PLPP3: variants seen among roughly 807,000 people sequenced by gnomAD.
PLPP3 encodes the protein PAP2 beta.
Under a neutral mutation model 29.6 loss-of-function variants are expected in PLPP3, and 6 were observed. The observed-to-expected ratio is 0.20, with a 90% CI of 0.11 to 0.40. The LOEUF is 0.40. Among genes scored for constraint, PLPP3 ranks in the 10% least tolerant of loss-of-function variants. The probability of loss-of-function intolerance (pLI) is 1.00; values close to 1 mark genes in which losing one functional copy is unlikely to be tolerated. For synonymous variants in PLPP3, 152 were observed against 159.7 expected (o/e 0.95, Z 0.36); for missense variants, 308 against 407.7 (o/e 0.76, Z 2.11).
chr1:56,536,821 C>T (rs1187988807), intron 2 of PLPP3, 134 bp downstream of exon 2: 2 of 1,133,074 alleles, frequency 1.8e-6, no homozygotes, highest in Non-Finnish European at 2.5e-6. Context: ...AACTACCTTC[C>T]TTCTTGGCTA....
chr1:56,508,319 A>T (rs1170556094), intron 5 of PLPP3, among the ~76,000 whole-genome samples: 1 of 152,204 alleles, frequency 6.6e-6, no homozygotes, highest in Non-Finnish European at 1.5e-5. Flanking sequence ...GCTCTGTGTC[A>T]GGCTGTCTGG....
rs1400216670 is a variant in PLPP3 at position 56,537,089 on chromosome 1, C to T, written c.163G>A (p.Glu55Lys). Residue 55 changes from glutamate to lysine, a missense_variant, in exon 2 of 6, where the codon GAG becomes AAG. Physicochemically the swap from Glu to Lys is moderately conservative, Grantham distance 56 (BLOSUM62 1). Around this residue, in one of 3 missense-constraint regions of PLPP3, gnomAD observed 9 missense variants for 29.3 expected, o/e 0.31. Transcript: ENST00000371250. ...TGGTAAGGCTTGATGGTGCTTGTCTCGATGATGAGGAAGGGGAGGCCCGCT... is the reference window on the plus strand; with the variant it reads ...TGGTAAGGCTTGATGGTGCTTGTCTTGATGATGAGGAAGGGGAGGCCCGCT... ...FMAGLPFLII[E>K]TSTIKPYHRG... is the part of the protein sequence containing the mutation. 2.5e-6 allele frequency: 4 copies of T among 1,612,634 alleles called. No homozygotes were observed. Among genetic ancestry groups the T allele is most frequent in the South Asian group, 1.1e-5 (1 of 91,012 alleles).
At chr1:56,511,630 T>C (rs2100232287) in intron 5 of PLPP3, among the ~76,000 whole-genome samples, 1 of 152,176 alleles carries the variant, frequency 6.6e-6, no homozygotes, top group South Asian at 2.1e-4. Flanking sequence ...TGCTGACACA[T>C]GACCTTGGGT....
In PLPP3 at chr1:56,579,262, A is replaced by AG. The variant is rs2100320420; in HGVS notation, c.-247dup. On this transcript the variant is annotated 5_prime_UTR_variant, in exon 1 of 6. Coordinates refer to ENST00000371250, the MANE Select transcript of PLPP3 (RefSeq NM_003713.5). Reference sequence around the variant, plus strand: ...CAACCCTAAATCGTTCTAAAGTCCAAGGGGAAGAGAGCCAGATCCCGAGCA... The same window carrying AG: ...CAACCCTAAATCGTTCTAAAGTCCAAGGGGGAAGAGAGCCAGATCCCGAGCA... The AG allele has an allele frequency of 4.3e-6, 2 of 469,836 alleles. No individual in the cohort carries two copies. Among genetic ancestry groups the AG allele is most frequent in the South Asian group, 5.3e-5 (2 of 37,574 alleles). The allele number at this position is 469,836 out of a possible 1,614,324, so 29.1% of individuals were successfully genotyped here. A position where few individuals can be genotyped will look rare whatever the true frequency, so the allele number is the denominator to read the frequency against.
chr1:56,566,407 C>T (rs192048029), intron 1 of PLPP3, among the ~76,000 whole-genome samples: 1 of 152,164 alleles, frequency 6.6e-6, no homozygotes, highest in Admixed American at 6.5e-5. Context: ...CTCTTACCTC[C>T]GTTCTGTAAA....
intron 1 of PLPP3, among the ~76,000 whole-genome samples, chr1:56,563,610 C>A (rs1470601049): frequency 6.6e-6 from 1 of 152,152 alleles, no homozygotes; most frequent in Non-Finnish European, 1.5e-5. Context: ...CCCAAGTGAC[C>A]AGCTCAAAGC....
At chr1:56,557,213 AC>A (rs1362498061) in intron 1 of PLPP3, among the ~76,000 whole-genome samples, 4 of 151,576 alleles carry the variant, frequency 2.6e-5, no homozygotes, top group Middle Eastern at 3.4e-3. Flanking sequence ...CCCCATCTCT[AC>A]TAAAAATACA....
chr1:56,560,239 A>T (rs1244377443), intron 1 of PLPP3, among the ~76,000 whole-genome samples: 3 of 152,194 alleles, frequency 2.0e-5, no homozygotes, highest in Admixed American at 2.0e-4. Context: ...TGCTCAATGC[A>T]TATTTGTGGA....
At chr1:56,533,641 C>T (rs764684177) in intron 2 of PLPP3, among the ~76,000 whole-genome samples, 3 of 152,142 alleles carry the variant, frequency 2.0e-5, no homozygotes, top group Admixed American at 6.5e-5. Flanking sequence ...ATAAAAGCCA[C>T]GCTGTAAACT....
intron 1 of PLPP3, among the ~76,000 whole-genome samples, chr1:56,567,199 C>T (rs1266180536): frequency 6.6e-6 from 1 of 152,092 alleles, no homozygotes; most frequent in Non-Finnish European, 1.5e-5. Flanking sequence ...ATTTCCCAGT[C>T]AGCTTATTGT....
At chr1:56,578,491 G>C (rs981607642) in intron 1 of PLPP3, among the ~76,000 whole-genome samples, 1 of 152,184 alleles carries the variant, frequency 6.6e-6, no homozygotes, top group African/African-American at 2.4e-5. Flanking sequence ...CATTTCACTC[G>C]GATGGAGGGC....
At chr1:56,561,082 T>C (rs1260800631) in intron 1 of PLPP3, among the ~76,000 whole-genome samples, 1 of 150,172 alleles carries the variant, frequency 6.7e-6, no homozygotes, top group Non-Finnish European at 1.5e-5. Context: ...CTCCTGACCT[T>C]GTGATCCGCC....
chr1:56,546,835 AGATAC>A (rs1646009294), intron 1 of PLPP3, among the ~76,000 whole-genome samples: 1 of 152,256 alleles, frequency 6.6e-6, no homozygotes, highest in Non-Finnish European at 1.5e-5. Flanking sequence ...ATGCTTCAGA[AGATAC>A]AGTGGACCCA....
At chr1:56,548,502 C>A (rs1646019223) in intron 1 of PLPP3, among the ~76,000 whole-genome samples, 2 of 152,182 alleles carry the variant, frequency 1.3e-5, no homozygotes, top group Non-Finnish European at 2.9e-5. Context: ...ACGCAAACTT[C>A]TTTTCCCAGA....
Position 56,559,814 on chromosome 1 carries a change from C to T in PLPP3, c.139+19064G>A, listed in dbSNP as rs181625683. Among the ~76,000 whole-genome samples the T allele has an allele frequency of 2.0e-5, 3 of 152,246 alleles. No individual in the cohort carries two copies. The East Asian group carries it at 5.8e-4, about 29-fold the overall frequency. On this transcript the variant is annotated intron_variant, in intron 1 of 5. Coordinates refer to ENST00000371250, the MANE Select transcript of PLPP3 (RefSeq NM_003713.5). ...ATATCTCTGAGCCTGGTTTTCCCATCTGGAAAATGGGGATGAGGAAGGAAG... is the reference window on the plus strand; with the variant it reads ...ATATCTCTGAGCCTGGTTTTCCCATTTGGAAAATGGGGATGAGGAAGGAAG...
At chr1:56,557,008 A>AAGAAAGAGAGAG (rs1553139323) in intron 1 of PLPP3, among the ~76,000 whole-genome samples, 13 of 13,742 alleles carry the variant, frequency 9.5e-4, no homozygotes, top group Admixed American at 2.8e-3. Flanking sequence ...GAAAGAAAGA[A>AAGAAAGAGAGAG]AGAGAGAGAG....
At chr1:56,577,655 T>C (rs1396273656) in intron 1 of PLPP3, among the ~76,000 whole-genome samples, 1 of 152,108 alleles carries the variant, frequency 6.6e-6, no homozygotes, top group Admixed American at 6.5e-5. Flanking sequence ...AAAGGGGACT[T>C]AAGTCTGTGC....
At chr1:56,568,842 GTCT>G (rs1347518114) in intron 1 of PLPP3, among the ~76,000 whole-genome samples, 26 of 152,020 alleles carry the variant, frequency 1.7e-4, no homozygotes, top group Non-Finnish European at 2.2e-4. Context: ...GGCCAGGCTG[GTCT>G]TGAACTCCTG....
At chr1:56,578,460 A>C (rs1361911174) in intron 1 of PLPP3, among the ~76,000 whole-genome samples, 1 of 152,026 alleles carries the variant, frequency 6.6e-6, no homozygotes. Context: ...TCCAGGCAGG[A>C]GCCCGACTCT....
Sources: gnomAD v4.1 joint callset for allele counts (sites outside exome capture counted in the v4.1 genomes callset) on GRCh38, gnomAD v4.1.1 for gene constraint, gnomAD v4.1.1 regional missense constraint, MANE v1.5 for transcripts, NCBI Gene and HGNC (gene_info 2026-07-23, HGNC 2026-07-21) for gene names.